Variants in DHODH observed in about 807,000 individuals in gnomAD.
DHODH encodes dihydroorotate dehydrogenase (quinone), mitochondrial.
In DHODH, 30 loss-of-function variants were observed where a neutral mutation model predicts 39.7. The observed-to-expected ratio is 0.76, with a 90% CI of 0.57 to 1.02. The LOEUF (loss-of-function observed/expected upper bound fraction) is 1.02. Among genes scored for constraint, DHODH ranks in the 50% least tolerant of loss-of-function variants. DHODH has a pLI of 0.00. For missense variants in DHODH, 531 were observed against 520.8 expected (o/e 1.02, Z -0.19); for synonymous variants, 222 against 213.8 (o/e 1.04, Z -0.34).
At chr16:72,023,676 G>A (rs1473555521) in intron 8 of DHODH, 43 bp downstream of exon 8, 1 of 1,609,448 alleles carries the variant, frequency 6.2e-7, no homozygotes, top group African/African-American at 1.3e-5. Flanking sequence ...GTTAGGCAGA[G>A]GTTCATTTAG....
rs1170223149 is a variant in DHODH, at chr16:72,012,397, A to G, written c.234+135A>G. On this transcript the variant is annotated intron_variant, in intron 2 of 8. Coordinates refer to ENST00000219240, the MANE Select transcript of DHODH (RefSeq NM_001361.5). ...TGGGGATTTGGAATTCAGTCTGAGC[A>G]TTATTATTTTATGTCATGTAATTAG... 18 of 747,958 alleles carry G rather than the reference A, an allele frequency of 2.4e-5. No homozygotes were observed. The Admixed American group carries it at 3.9e-4, about 16-fold the overall frequency. 46.3% of individuals were successfully genotyped at this position (747,958 alleles called of 1,614,324 possible).
chr16:72,027,418 A>C lies in DHODH; in HGVS notation c.*3219A>C, dbSNP rs2041285827. The C allele has an allele frequency of 6.6e-6, 1 of 152,220 alleles. No homozygotes were observed. The highest frequency in any genetic ancestry group is 2.1e-4 in the South Asian group (1 of 4,824). The allele number at this position is 152,220 out of a possible 1,614,324, so 9.4% of individuals were successfully genotyped here. A position where few individuals can be genotyped will look rare whatever the true frequency, so the allele number is the denominator to read the frequency against. ...AGAGCTGAGATTACAGGTGTGAGCCACCGCACCCGGCCCAAGGATACCTAT... is the reference window on the plus strand; with the variant it reads ...AGAGCTGAGATTACAGGTGTGAGCCCCCGCACCCGGCCCAAGGATACCTAT... On this transcript the variant is annotated 3_prime_UTR_variant, in exon 9 of 9. Transcript: ENST00000219240.
intron 3 of DHODH, 155 bp from the exon 4 acceptor site, chr16:72,016,869 C>A: frequency 2.8e-6 from 2 of 709,588 alleles, no homozygotes; most frequent in Non-Finnish European, 2.5e-6. Flanking sequence ...GGTGTTCTGG[C>A]AAGTTCTCTA....
chr16:72,012,325 C>T (rs1335694645), intron 2 of DHODH, 63 bp downstream of exon 2: 2 of 1,469,694 alleles, frequency 1.4e-6, no homozygotes, highest in Non-Finnish European at 1.9e-6. Context: ...CCCTAAACTT[C>T]TCAGCTGGGA....
chr16:72,021,535 C>T (rs1451200233), intron 5 of DHODH, among the ~76,000 whole-genome samples: 6 of 152,238 alleles, frequency 3.9e-5, no homozygotes, highest in African/African-American at 7.2e-5. Context: ...CTATAAATCA[C>T]GGGGTCTGTA....
intron 2 of DHODH, 48 bp from the exon 3 acceptor site, chr16:72,014,425 T>C (rs745953285): frequency 6.4e-7 from 1 of 1,564,894 alleles, no homozygotes; most frequent in Admixed American, 1.7e-5. Context: ...CTTTGAGAAA[T>C]ACCGGGATAG....
At chr16:72,021,365 T>G in intron 5 of DHODH, 54 bp downstream of exon 5, 1 of 1,533,624 alleles carries the variant, frequency 6.5e-7, no homozygotes, top group Non-Finnish European at 8.8e-7. Context: ...TCCCACCTGC[T>G]CCCCTTCATT....
intron 1 of DHODH, among the ~76,000 whole-genome samples, chr16:72,010,256 G>C (rs888239564): frequency 6.6e-6 from 1 of 152,082 alleles, no homozygotes. Context: ...CTGCTACTGA[G>C]AGAGCCTTTA....
intron 1 of DHODH, among the ~76,000 whole-genome samples, chr16:72,010,885 CCTGG>C (rs1214216620): frequency 6.6e-6 from 1 of 151,986 alleles, no homozygotes; most frequent in Admixed American, 6.6e-5. Context: ...CACCACCATG[CCTGG>C]CTAATTTTTT....
Position 72,024,565 on chromosome 16 carries a change from C to T in DHODH, c.*366C>T. On this transcript the variant is annotated 3_prime_UTR_variant, in exon 9 of 9. Coordinates refer to ENST00000219240, the MANE Select transcript of DHODH (RefSeq NM_001361.5). ...CCCTGCCAAGATACTGCAGGTCCAT[C>T]CAGGCCTCTGCTATCTGCATCTGCA... 3.2e-6 allele frequency: 1 copy of T among 315,982 alleles called. No homozygotes were observed. Among genetic ancestry groups the T allele is most frequent in the Non-Finnish European group, 6.0e-6 (1 of 165,290 alleles). The allele number at this position is 315,982 out of a possible 1,614,324, so 19.6% of individuals were successfully genotyped here.
intron 4 of DHODH, among the ~76,000 whole-genome samples, chr16:72,018,066 G>A (rs890952186): frequency 4.0e-5 from 6 of 151,872 alleles, no homozygotes; most frequent in African/African-American, 1.5e-4. Flanking sequence ...GAGCCACCGC[G>A]CCTGGCCACA....
chr16:72,021,020 GA>G, intron 4 of DHODH, 103 bp from the exon 5 acceptor site: 1 of 1,222,602 alleles, frequency 8.2e-7, no homozygotes, highest in Non-Finnish European at 1.1e-6. Flanking sequence ...GGTTTGGAGG[GA>G]AGGCCTGCGC....
intron 1 of DHODH, among the ~76,000 whole-genome samples, chr16:72,010,774 G>A (rs887952466): frequency 6.6e-6 from 1 of 152,202 alleles, no homozygotes; most frequent in Non-Finnish European, 1.5e-5. Flanking sequence ...CTGTCGCCCA[G>A]GTGGAGTGCA....
chr16:72,011,273 A>G (rs1236545928), intron 1 of DHODH, among the ~76,000 whole-genome samples: 3 of 152,208 alleles, frequency 2.0e-5, no homozygotes, highest in Non-Finnish European at 4.4e-5. Context: ...AATGGTGAAC[A>G]ATTCTTGGGA....
At chr16:72,020,596 C>T (rs2041202035) in intron 4 of DHODH, 1 of 155,932 alleles carries the variant, frequency 6.4e-6, no homozygotes, top group Admixed American at 6.2e-5. Context: ...AAGCAATCCT[C>T]TGCCCTTGAC....
chr16:72,026,957 ATTTGTGTGTGTGTGTGTGTGTG>A lies in DHODH; in HGVS notation c.*2760_*2781del, dbSNP rs1295191765. On this transcript the variant is annotated 3_prime_UTR_variant, in exon 9 of 9. Coordinates refer to ENST00000219240, the MANE Select transcript of DHODH (RefSeq NM_001361.5). ...AGGTGCCCACTACCACACCCAGCTAATTTGTGTGTGTGTGTGTGTGTGTGTGTGTGTGTGTGTGTGTGTGTGT... is the reference window on the plus strand; with the variant it reads ...AGGTGCCCACTACCACACCCAGCTAATGTGTGTGTGTGTGTGTGTGTGTGT... 2 of 106,628 alleles carry A rather than the reference ATTTGTGTGTGTGTGTGTGTGTG, an allele frequency of 1.9e-5. No individual in the cohort carries two copies. The highest frequency in any genetic ancestry group is 7.5e-5 in the African/African-American group (2 of 26,800). The allele number at this position is 106,628 out of a possible 1,614,324, so 6.6% of individuals were successfully genotyped here.
chr16:72,010,482 T>A (rs761221544), intron 1 of DHODH, among the ~76,000 whole-genome samples: 7 of 152,204 alleles, frequency 4.6e-5, no homozygotes, highest in Non-Finnish European at 8.8e-5. Flanking sequence ...GACTACATAT[T>A]TGCATGATCA....
chr16:72,015,807 G>A, intron 3 of DHODH: 6 of 985,470 alleles, frequency 6.1e-6, no homozygotes, highest in Non-Finnish European at 7.2e-6. Context: ...GCAGGGGTGT[G>A]AGATCCTGCT....
At position 72,012,746 on chromosome 16, in the gene DHODH, G is replaced by A. The variant is rs564652739; in HGVS notation, c.234+484G>A. On this transcript the variant is annotated intron_variant, in intron 2 of 8. Coordinates refer to ENST00000219240, the MANE Select transcript of DHODH (RefSeq NM_001361.5). Reference sequence around the variant, plus strand: ...AGCACTGGTGAGAGGCAGGAGCATCGTGTCCCAGCCTCACTCAGCCACGTG... The same window carrying A: ...AGCACTGGTGAGAGGCAGGAGCATCATGTCCCAGCCTCACTCAGCCACGTG... Among the ~76,000 whole-genome samples, 13 of 152,268 alleles carry A rather than the reference G, an allele frequency of 8.5e-5. No individual in the cohort carries two copies. In the South Asian group the frequency reaches 1.9e-3, roughly 22 times the overall value.
Sources: allele counts gnomAD v4.1 joint callset (sites outside exome capture counted in the v4.1 genomes callset), GRCh38; gene constraint gnomAD v4.1.1; transcripts MANE v1.5; gene names NCBI Gene and HGNC (gene_info 2026-07-23, HGNC 2026-07-21).